The following NAALADL2 variants were observed in gnomAD, a reference collection of about 807,000 sequenced individuals.
The protein encoded by NAALADL2 is inactive N-acetylated-alpha-linked acidic dipeptidase-like protein 2.
A neutral mutation model predicts 87.2 loss-of-function variants in NAALADL2; 76 were observed. The ratio of observed to expected loss-of-function variants is 0.87; its 90% CI spans 0.72 to 1.05. The LOEUF (loss-of-function observed/expected upper bound fraction) is 1.05. NAALADL2 is among the 50% of genes least tolerant of loss of function. The pLI is 0.00. For synonymous variants in NAALADL2, 354 were observed against 331.0 expected (o/e 1.07, Z -0.75); for missense variants, 1,089 against 945.8 (o/e 1.15, Z -1.99).
chr3:175,129,105 A>AT (rs59305146), intron 2 of NAALADL2, among the ~76,000 whole-genome samples: 46 of 149,340 alleles, frequency 3.1e-4, no homozygotes, highest in Middle Eastern at 3.5e-3. Context: ...TGCCTGGCTA[A>AT]TTTTTTTTTT....
At chr3:174,869,746 C>A (rs143433081) in intron 1 of NAALADL2, among the ~76,000 whole-genome samples, 1 of 151,798 alleles carries the variant, frequency 6.6e-6, no homozygotes, top group African/African-American at 2.4e-5. Context: ...AAAAATAAAA[C>A]GCACTTTGGG....
At chr3:175,765,578 C>T (rs1215036217) in intron 13 of NAALADL2, among the ~76,000 whole-genome samples, 1 of 152,048 alleles carries the variant, frequency 6.6e-6, no homozygotes, top group African/African-American at 2.4e-5. Flanking sequence ...AATAGAAATA[C>T]TTGTGTGTAT....
At chr3:175,370,503 G>C (rs892674203) in intron 5 of NAALADL2, among the ~76,000 whole-genome samples, 2 of 151,928 alleles carry the variant, frequency 1.3e-5, no homozygotes, top group Non-Finnish European at 2.9e-5. Flanking sequence ...AATATATGGG[G>C]GGGGGAGGGA....
intron 1 of NAALADL2, among the ~76,000 whole-genome samples, chr3:175,019,129 A>G (rs77232341): frequency 0.072 from 11,003 of 151,964 alleles, 447 homozygotes; most frequent in Middle Eastern, 0.13. Context: ...TGTGATTCAT[A>G]CTTTCAAAAT....
intron 5 of NAALADL2, among the ~76,000 whole-genome samples, chr3:175,385,012 G>A (rs1446631266): frequency 1.3e-5 from 2 of 151,948 alleles, no homozygotes; most frequent in Admixed American, 6.6e-5. Flanking sequence ...TGTCAACTGG[G>A]ACCTCCCACC....
At chr3:174,539,977 GAAAAAAAAAAAAA>G (rs57394560) in intron 1 of NAALADL2, among the ~76,000 whole-genome samples, 52 of 51,214 alleles carry the variant, frequency 1.0e-3, no homozygotes, top group South Asian at 3.8e-3. Context: ...GGAAGTTCTG[GAAAAAAAAAAAAA>G]AAAAAAAAAA....
chr3:175,616,249 A>C (rs1725334938), intron 10 of NAALADL2, among the ~76,000 whole-genome samples: 1 of 147,854 alleles, frequency 6.8e-6, no homozygotes, highest in African/African-American at 2.5e-5. Context: ...TATTGTATGT[A>C]TTCAACACAT....
At chr3:174,836,518 G>T (rs1189606593) in intron 3 of NAALADL2, among the ~76,000 whole-genome samples, 1 of 151,846 alleles carries the variant, frequency 6.6e-6, no homozygotes, top group Non-Finnish European at 1.5e-5. Flanking sequence ...TGGCTAACAC[G>T]GTGAAACCCC....
intron 5 of NAALADL2, among the ~76,000 whole-genome samples, chr3:175,411,421 T>A: frequency 6.6e-6 from 1 of 152,034 alleles, no homozygotes; most frequent in Non-Finnish European, 1.5e-5. Context: ...GGACTGGGGG[T>A]AAAAATTTGA....
At chr3:174,820,187 A>C (rs1220939008) in intron 3 of NAALADL2, among the ~76,000 whole-genome samples, 1 of 152,242 alleles carries the variant, frequency 6.6e-6, no homozygotes, top group Non-Finnish European at 1.5e-5. Flanking sequence ...GCTACAGGTC[A>C]TACCAAAATA....
chr3:175,056,942 C>T (rs990954330), intron 1 of NAALADL2, among the ~76,000 whole-genome samples: 4 of 152,212 alleles, frequency 2.6e-5, no homozygotes, highest in Non-Finnish European at 5.9e-5. Flanking sequence ...ATGTACATGT[C>T]ACAGTGCTTC....
At chr3:175,135,024 C>T (rs980188619) in intron 2 of NAALADL2, among the ~76,000 whole-genome samples, 5 of 152,088 alleles carry the variant, frequency 3.3e-5, no homozygotes, top group East Asian at 1.9e-4. Context: ...CTTTTATTAT[C>T]GGAGATATAG....
chr3:174,483,078 T>C (rs564893378), intron 1 of NAALADL2, among the ~76,000 whole-genome samples: 120 of 152,100 alleles, frequency 7.9e-4, no homozygotes, highest in Non-Finnish European at 1.5e-3. Context: ...AACCCCTCCT[T>C]GAGTAAAAAC....
Position 175,424,309 on chromosome 3 carries a change from T to C in NAALADL2, c.1091-22920T>C, listed in dbSNP as rs568333333. Reference sequence around the variant, plus strand: ...TGGCTTTTGTTGTCATTGTTTTTGGTGTTTTAGACATGAAGTCCTTGCCTG... The same window carrying C: ...TGGCTTTTGTTGTCATTGTTTTTGGCGTTTTAGACATGAAGTCCTTGCCTG... On this transcript the variant is annotated intron_variant, in intron 5 of 13. Coordinates refer to ENST00000454872, the MANE Select transcript of NAALADL2 (RefSeq NM_207015.3). Among the ~76,000 whole-genome samples, 26 of 152,318 alleles carry C rather than the reference T, an allele frequency of 1.7e-4. 1 individual carries two copies. The South Asian group carries it at 4.3e-3, about 25-fold the overall frequency.
intron 1 of NAALADL2, among the ~76,000 whole-genome samples, chr3:174,891,351 T>C (rs1225129276): frequency 1.3e-5 from 2 of 151,930 alleles, no homozygotes; most frequent in African/African-American, 2.4e-5. Flanking sequence ...CCCCAAATCA[T>C]GTGAGCACTC....
chr3:174,492,611 A>G (rs1718273912), intron 1 of NAALADL2, among the ~76,000 whole-genome samples: 1 of 152,200 alleles, frequency 6.6e-6, no homozygotes, highest in Admixed American at 6.5e-5. Flanking sequence ...CAGAGAGTGG[A>G]TGAAATTTAT....
At chr3:174,740,195 C>T (rs1252861806) in intron 3 of NAALADL2, among the ~76,000 whole-genome samples, 2 of 151,812 alleles carry the variant, frequency 1.3e-5, no homozygotes, top group East Asian at 1.9e-4. Context: ...TCTTTTGAGG[C>T]TTAGAGAATT....
chr3:175,305,331 A>T (rs1581341107), intron 4 of NAALADL2, among the ~76,000 whole-genome samples: 1 of 151,666 alleles, frequency 6.6e-6, no homozygotes, highest in African/African-American at 2.4e-5. Context: ...ACTGAACTTT[A>T]TTATTAAACT....
At chr3:175,103,239 T>C (rs532866624) in intron 2 of NAALADL2, among the ~76,000 whole-genome samples, 1 of 152,308 alleles carries the variant, frequency 6.6e-6, no homozygotes, top group East Asian at 1.9e-4. Flanking sequence ...ACATTGAAAT[T>C]GATTCCTAAG....
Sources: gnomAD v4.1 joint callset for allele counts (sites outside exome capture counted in the v4.1 genomes callset) on GRCh38, gnomAD v4.1.1 for gene constraint, MANE v1.5 for transcripts, NCBI Gene and HGNC (gene_info 2026-07-23, HGNC 2026-07-21) for gene names.